SH3RF1: variants seen among roughly 807,000 people sequenced by gnomAD.
SH3RF1 encodes the protein E3 ubiquitin-protein ligase SH3RF1.
A neutral mutation model predicts 74.0 loss-of-function variants in SH3RF1; 32 were observed. The observed-to-expected ratio is 0.43, with a 90% CI of 0.33 to 0.58. SH3RF1 has a LOEUF of 0.58. Among genes scored for constraint, SH3RF1 ranks in the 20% least tolerant of loss-of-function variants. The pLI is 0.05. For missense variants in SH3RF1, 954 were observed against 1,130.9 expected (o/e 0.84, Z 2.24); for synonymous variants, 396 against 439.6 (o/e 0.90, Z 1.24).
intron 2 of SH3RF1, among the ~76,000 whole-genome samples, chr4:169,165,065 A>G (rs1734213191): frequency 6.6e-6 from 1 of 152,244 alleles, no homozygotes; most frequent in South Asian, 2.1e-4. Context: ...GAGAGCAGGA[A>G]TATTTACTGG....
chr4:169,117,169 C>T (rs1733350668), intron 9 of SH3RF1, among the ~76,000 whole-genome samples: 1 of 152,058 alleles, frequency 6.6e-6, no homozygotes, highest in South Asian at 2.1e-4. Context: ...TTAAGTTAAT[C>T]AGAAATGATC....
intron 2 of SH3RF1, among the ~76,000 whole-genome samples, chr4:169,193,814 C>CGA (rs1168460256): frequency 1.3e-5 from 2 of 152,168 alleles, no homozygotes; most frequent in African/African-American, 4.8e-5. Context: ...ATAGAGTCTA[C>CGA]GAGCCTTGGG....
chr4:169,239,609 T>G (rs950552247), intron 2 of SH3RF1, among the ~76,000 whole-genome samples: 2 of 152,236 alleles, frequency 1.3e-5, no homozygotes, highest in African/African-American at 4.8e-5. Flanking sequence ...TAGCAATGGT[T>G]AGTCCACCTT....
intron 2 of SH3RF1, among the ~76,000 whole-genome samples, chr4:169,157,671 G>T (rs1170179859): frequency 1.3e-5 from 2 of 152,126 alleles, no homozygotes; most frequent in African/African-American, 2.4e-5. Context: ...CAAGATTACA[G>T]GGCTCCTGCT....
rs1338336693 is a variant in SH3RF1, at chr4:169,132,635, G to A, written c.1069-2479C>T. ...GGGCTTACCCTTTTCTCATGGAACT[G>A]CAAAAATTAGTTGTCTCCTCTGCAA... On this transcript the variant is annotated intron_variant, in intron 5 of 11. Coordinates refer to ENST00000284637, the MANE Select transcript of SH3RF1 (RefSeq NM_020870.4). 3.4e-5 allele frequency among the ~76,000 whole-genome samples: 5 copies of A among 149,066 alleles called. No homozygotes were observed. The East Asian group carries it at 1.0e-3, about 30-fold the overall frequency.
intron 8 of SH3RF1, among the ~76,000 whole-genome samples, chr4:169,118,411 A>G (rs913266337): frequency 2.2e-4 from 34 of 152,160 alleles, no homozygotes; most frequent in Admixed American, 2.1e-3. Flanking sequence ...AAACTCCACA[A>G]TTGTTTATGC....
intron 4 of SH3RF1, among the ~76,000 whole-genome samples, chr4:169,138,538 C>T (rs369682351): frequency 4.6e-5 from 7 of 152,196 alleles, no homozygotes; most frequent in African/African-American, 1.7e-4. Flanking sequence ...GACTGATCAA[C>T]TCAGCACTCC....
At chr4:169,217,710 G>A (rs577248472) in intron 2 of SH3RF1, among the ~76,000 whole-genome samples, 1 of 152,244 alleles carries the variant, frequency 6.6e-6, no homozygotes, top group Non-Finnish European at 1.5e-5. Context: ...GGGAGTTACT[G>A]TTTAATGGAT....
chr4:169,103,375 A>G (rs886163725), intron 11 of SH3RF1, among the ~76,000 whole-genome samples: 1 of 152,100 alleles, frequency 6.6e-6, no homozygotes, highest in Non-Finnish European at 1.5e-5. Context: ...GTGAAATTCT[A>G]CCAGTCAGTA....
At chr4:169,163,702 A>G (rs2126969035) in intron 2 of SH3RF1, among the ~76,000 whole-genome samples, 1 of 152,218 alleles carries the variant, frequency 6.6e-6, no homozygotes, top group Non-Finnish European at 1.5e-5. Context: ...GTTCCACCTC[A>G]TATTTTCCAC....
intron 2 of SH3RF1, among the ~76,000 whole-genome samples, chr4:169,168,655 G>A (rs1385720255): frequency 6.6e-6 from 1 of 152,210 alleles, no homozygotes; most frequent in Admixed American, 6.5e-5. Flanking sequence ...GACAGAGAGG[G>A]TTGTTAAATA....
intron 2 of SH3RF1, among the ~76,000 whole-genome samples, chr4:169,251,518 C>A (rs1321733882): frequency 2.0e-5 from 3 of 152,174 alleles, no homozygotes; most frequent in African/African-American, 7.2e-5. Context: ...ATCCGAAAAA[C>A]AGAAGCATAC....
intron 8 of SH3RF1, among the ~76,000 whole-genome samples, chr4:169,120,425 A>G (rs554070530): frequency 6.6e-6 from 1 of 152,358 alleles, no homozygotes; most frequent in East Asian, 1.9e-4. Flanking sequence ...TAATCAGTGT[A>G]ATGCATTTAT....
intron 2 of SH3RF1, among the ~76,000 whole-genome samples, chr4:169,257,160 T>A (rs562792409): frequency 6.6e-6 from 1 of 152,210 alleles, no homozygotes; most frequent in Admixed American, 6.5e-5. Flanking sequence ...TGATAATAAA[T>A]CTCCTGCTTT....
intron 4 of SH3RF1, among the ~76,000 whole-genome samples, chr4:169,142,045 C>T (rs1733795612): frequency 6.6e-6 from 1 of 152,074 alleles, no homozygotes; most frequent in Non-Finnish European, 1.5e-5. Flanking sequence ...ATCTCAATCT[C>T]CTGAGCTTGT....
At chr4:169,149,781 C>A (rs1427634368) in intron 4 of SH3RF1, among the ~76,000 whole-genome samples, 1 of 152,106 alleles carries the variant, frequency 6.6e-6, no homozygotes. Flanking sequence ...ATGATGCTAT[C>A]TTTTTATATA....
chr4:169,187,534 G>C (rs2126982650), intron 2 of SH3RF1, among the ~76,000 whole-genome samples: 1 of 132,064 alleles, frequency 7.6e-6, no homozygotes, highest in East Asian at 2.7e-4. Flanking sequence ...GTGTGTGTGT[G>C]TGTGTGTGTG....
chr4:169,239,913 A>G (rs1730878521), intron 2 of SH3RF1, among the ~76,000 whole-genome samples: 1 of 152,066 alleles, frequency 6.6e-6, no homozygotes, highest in Non-Finnish European at 1.5e-5. Context: ...ACTCCCAGCT[A>G]CTTGGGAGGC....
intron 2 of SH3RF1, among the ~76,000 whole-genome samples, chr4:169,256,825 A>G (rs542684807): frequency 6.6e-6 from 1 of 152,078 alleles, no homozygotes; most frequent in Admixed American, 6.5e-5. Context: ...CTGGTCTCAA[A>G]CTCCTGGCCA....
Sources: allele counts gnomAD v4.1 joint callset (sites outside exome capture counted in the v4.1 genomes callset), GRCh38; gene constraint gnomAD v4.1.1; transcripts MANE v1.5; gene names NCBI Gene and HGNC (gene_info 2026-07-23, HGNC 2026-07-21).